Variants in SPOCK3 observed in about 807,000 individuals in gnomAD.
SPOCK3 encodes the protein testican-3.
Under a neutral mutation model 56.6 loss-of-function variants are expected in SPOCK3, and 30 were observed. The observed-to-expected ratio is 0.53, with a 90% CI of 0.40 to 0.72. SPOCK3 has a LOEUF of 0.72. Ranked by LOEUF, SPOCK3 falls within the 30% of genes least tolerant of loss-of-function variation. The probability of loss-of-function intolerance (pLI) is 0.00; values close to 1 mark genes in which losing one functional copy is unlikely to be tolerated. For missense variants in SPOCK3, 527 were observed against 530.0 expected (o/e 0.99, Z 0.06); for synonymous variants, 196 against 183.3 (o/e 1.07, Z -0.56).
At chr4:167,009,055 T>A (rs760265252) in intron 3 of SPOCK3, among the ~76,000 whole-genome samples, 8 of 152,212 alleles carry the variant, frequency 5.3e-5, no homozygotes, top group Non-Finnish European at 1.2e-4. Flanking sequence ...AATTACTTTT[T>A]CTTTTGTATA....
intron 2 of SPOCK3, among the ~76,000 whole-genome samples, chr4:167,155,629 A>T (rs964107294): frequency 6.6e-6 from 1 of 152,218 alleles, no homozygotes; most frequent in Non-Finnish European, 1.5e-5. Context: ...AAACTTTCAC[A>T]GAATAAATTT....
At chr4:166,936,348 A>G (rs1474940551) in intron 4 of SPOCK3, among the ~76,000 whole-genome samples, 3 of 152,080 alleles carry the variant, frequency 2.0e-5, no homozygotes, top group African/African-American at 7.2e-5. Context: ...CCTATTAATT[A>G]GAAGTATGTA....
intron 2 of SPOCK3, among the ~76,000 whole-genome samples, chr4:167,220,688 A>G (rs892481929): frequency 1.3e-5 from 2 of 151,980 alleles, no homozygotes; most frequent in Non-Finnish European, 1.5e-5. Context: ...CACCCAGCCT[A>G]GTATTTCTTT....
chr4:166,912,844 ATACAT>A, intron 4 of SPOCK3, 101 bp from the exon 5 acceptor site: 1 of 906,658 alleles, frequency 1.1e-6, no homozygotes, highest in Non-Finnish European at 1.6e-6. Flanking sequence ...ACTCCTGAAG[ATACAT>A]TAGAATCAAC....
At chr4:166,792,042 C>G (rs909500588) in intron 7 of SPOCK3, 128 bp downstream of exon 7, 1 of 1,048,178 alleles carries the variant, frequency 9.5e-7, no homozygotes, top group African/African-American at 1.6e-5. Context: ...GAAGTAATAA[C>G]GTTCTGATTT....
chr4:166,844,579 T>C (rs1399072997), intron 6 of SPOCK3, among the ~76,000 whole-genome samples: 1 of 152,188 alleles, frequency 6.6e-6, no homozygotes, highest in East Asian at 1.9e-4. Flanking sequence ...GCAGACCACC[T>C]TGGACTCAAA....
intron 4 of SPOCK3, among the ~76,000 whole-genome samples, chr4:166,980,327 C>G (rs1365948): frequency 0.65 from 98,978 of 152,128 alleles, 34,000 homozygotes; most frequent in East Asian, 0.84. Context: ...TGAAGAGATA[C>G]AATAATATCT....
intron 2 of SPOCK3, among the ~76,000 whole-genome samples, chr4:167,141,865 T>C (rs1763562005): frequency 6.6e-6 from 1 of 151,884 alleles, no homozygotes; most frequent in Admixed American, 6.6e-5. Context: ...CACAACAGAT[T>C]GAAAACTCTA....
Position 166,734,653 on chromosome 4 carries a change from T to G in SPOCK3, c.*268A>C, listed in dbSNP as rs1156445276. On this transcript the variant is annotated 3_prime_UTR_variant, in exon 11 of 11. Transcript: ENST00000357545. Reference sequence around the variant, plus strand: ...TACAAAGTTTGTTCTCGTGAAAAACTTATTATAGTAGCACTTCAAAACTTT... The same window carrying G: ...TACAAAGTTTGTTCTCGTGAAAAACGTATTATAGTAGCACTTCAAAACTTT... 1 of 288,798 alleles carries G rather than the reference T, an allele frequency of 3.5e-6. No homozygotes were observed. The highest frequency in any genetic ancestry group is 2.2e-5 in the African/African-American group (1 of 46,132). The allele number at this position is 288,798 out of a possible 1,614,324, so 17.9% of individuals were successfully genotyped here. A position where few individuals can be genotyped will look rare whatever the true frequency, so the allele number is the denominator to read the frequency against.
At chr4:166,934,208 C>A (rs547505396) in intron 4 of SPOCK3, among the ~76,000 whole-genome samples, 1 of 151,706 alleles carries the variant, frequency 6.6e-6, no homozygotes, top group Non-Finnish European at 1.5e-5. Flanking sequence ...ATAAAAGTCA[C>A]GGCCGGGCGC....
intron 3 of SPOCK3, among the ~76,000 whole-genome samples, chr4:167,027,956 G>A (rs956198647): frequency 1.3e-5 from 2 of 151,912 alleles, no homozygotes; most frequent in African/African-American, 4.8e-5. Flanking sequence ...TGGAACAGTT[G>A]GGTTGCATGT....
chr4:166,952,256 T>C (rs934244843), intron 4 of SPOCK3, among the ~76,000 whole-genome samples: 12 of 152,204 alleles, frequency 7.9e-5, no homozygotes, highest in Admixed American at 7.9e-4. Context: ...AAAATCAATG[T>C]ACAAAAATCA....
intron 2 of SPOCK3, among the ~76,000 whole-genome samples, chr4:167,194,972 C>T (rs1732805391): frequency 6.6e-6 from 1 of 152,150 alleles, no homozygotes; most frequent in South Asian, 2.1e-4. Context: ...CTGAGGGGGT[C>T]TGAAACTGAG....
intron 4 of SPOCK3, among the ~76,000 whole-genome samples, chr4:166,916,009 A>G (rs1334548415): frequency 6.6e-6 from 1 of 152,124 alleles, no homozygotes; most frequent in Non-Finnish European, 1.5e-5. Flanking sequence ...TCAGACAATT[A>G]TTTTTTCAAA....
chr4:166,908,303 CACACACA>C (rs1736854562), intron 5 of SPOCK3, among the ~76,000 whole-genome samples: 1 of 148,938 alleles, frequency 6.7e-6, no homozygotes, highest in African/African-American at 2.5e-5. Context: ...CACACACACA[CACACACA>C]CCCCTACCTT....
At chr4:167,109,614 TTAAAAA>T (rs1489208126) in intron 2 of SPOCK3, among the ~76,000 whole-genome samples, 5 of 140,414 alleles carry the variant, frequency 3.6e-5, no homozygotes, top group South Asian at 2.1e-4. Flanking sequence ...CCCACAAAAA[TTAAAAA>T]TAAAGTTTAA....
At chr4:167,110,169 T>C (rs186425405) in intron 2 of SPOCK3, among the ~76,000 whole-genome samples, 1 of 152,148 alleles carries the variant, frequency 6.6e-6, no homozygotes, top group Admixed American at 6.6e-5. Context: ...TCATCTCAAG[T>C]GGGAGCTTAA....
intron 3 of SPOCK3, among the ~76,000 whole-genome samples, chr4:167,034,734 G>A (rs934842615): frequency 3.3e-5 from 5 of 152,204 alleles, no homozygotes; most frequent in Admixed American, 2.6e-4. Flanking sequence ...ATCGTTGGAG[G>A]TTAATACATC....
chr4:166,748,674 G>T (rs1735966189), intron 8 of SPOCK3, among the ~76,000 whole-genome samples: 2 of 137,394 alleles, frequency 1.5e-5, no homozygotes, highest in African/African-American at 6.2e-5. Context: ...CACAGCAAAA[G>T]AAACTTCCTT....
Sources: allele counts gnomAD v4.1 joint callset (sites outside exome capture counted in the v4.1 genomes callset), GRCh38; gene constraint gnomAD v4.1.1; transcripts MANE v1.5; gene names NCBI Gene and HGNC (gene_info 2026-07-23, HGNC 2026-07-21).